RPL12: variants seen among roughly 807,000 people sequenced by gnomAD.
RPL12 encodes large ribosomal subunit protein uL11.
A neutral mutation model predicts 24.5 loss-of-function variants in RPL12; 10 were observed. The ratio of observed to expected loss-of-function variants is 0.41; its 90% CI spans 0.25 to 0.69. The LOEUF (loss-of-function observed/expected upper bound fraction) is 0.69, where lower values mean the gene tolerates loss of function less well. RPL12 is among the 30% of genes least tolerant of loss of function. RPL12 has a pLI of 0.33. For synonymous variants in RPL12, 74 were observed against 76.1 expected (o/e 0.97, Z 0.14); for missense variants, 137 against 205.3 (o/e 0.67, Z 2.03).
chr9:127,451,061 C>T, intron 1 of RPL12: 1 of 674,050 alleles, frequency 1.5e-6, no homozygotes, highest in Non-Finnish European at 2.5e-6. Flanking sequence ...CTAGGGCGTG[C>T]GGGCTCCCAA....
chr9:127,450,912 G>C, intron 1 of RPL12, 108 bp from the exon 2 acceptor site: 1 of 882,196 alleles, frequency 1.1e-6, no homozygotes, highest in South Asian at 1.6e-5. Flanking sequence ...TCTCGAAACA[G>C]CACAGAGCGC....
intron 4 of RPL12, 100 bp from the exon 5 acceptor site, chr9:127,448,523 CAG>C (rs756551267): frequency 2.9e-5 from 24 of 838,586 alleles, no homozygotes; most frequent in African/African-American, 8.3e-5. Flanking sequence ...GCTTTCGGCA[CAG>C]AGTCATCCAC....
At position 127,449,273 on chromosome 9, in the gene RPL12, C is replaced by A. The variant is rs764866170; in HGVS notation, c.292+8G>T. On this transcript the variant is annotated splice_region_variant and intron_variant, in intron 4 of 6. Coordinates refer to ENST00000361436, the MANE Select transcript of RPL12 (RefSeq NM_000976.4). ...TACCAAAACCAAACTAGGGAAAAGA[C>A]AACTTACTGTTTTTCTGTTTCTTTC... The A allele has an allele frequency of 3.0e-5, 49 of 1,610,962 alleles. No homozygotes were observed. Among genetic ancestry groups the A allele is most frequent in the Non-Finnish European group, 4.0e-5 (47 of 1,178,906 alleles).
At chr9:127,449,185 G>T in intron 4 of RPL12, 96 bp downstream of exon 4, 1 of 1,004,100 alleles carries the variant, frequency 1.0e-6, no homozygotes, top group Non-Finnish European at 1.5e-6. Context: ...CAATACCCAT[G>T]TCAACCCCAG....
rs758900538 is a variant in RPL12 at position 127,449,271 on chromosome 9, G to C, written c.292+10C>G. 1.2e-6 allele frequency: 2 copies of C among 1,610,572 alleles called. No homozygotes were observed. Among genetic ancestry groups the C allele is most frequent in the Non-Finnish European group, 1.7e-6 (2 of 1,178,592 alleles). ...ATTACCAAAACCAAACTAGGGAAAA[G>C]ACAACTTACTGTTTTTCTGTTTCTT... On this transcript the variant is annotated intron_variant, in intron 4 of 6. Transcript: ENST00000361436.
At position 127,451,358 on chromosome 9, in the gene RPL12, G is replaced by A. The variant is rs143516503; in HGVS notation, c.-41C>T. 26 of 1,610,452 alleles carry A rather than the reference G, an allele frequency of 1.6e-5. No homozygotes were observed. Among genetic ancestry groups the A allele is most frequent in the Admixed American group, 8.3e-5 (5 of 59,902 alleles). On this transcript the variant is annotated 5_prime_UTR_variant, in exon 1 of 7. Transcript: ENST00000361436. ...TGTCGGATGAACCCGGATTCGGGAC[G>A]ACCGAAGGAAGTTGCACCTTGGCCT...
intron 1 of RPL12, chr9:127,451,073 C>T: frequency 1.4e-6 from 1 of 709,582 alleles, no homozygotes; most frequent in Non-Finnish European, 2.3e-6. Flanking sequence ...GGCTCCCAAG[C>T]CGCCACAGGT....
Position 127,447,694 on chromosome 9 carries a change from C to T in RPL12, c.*27G>A. On this transcript the variant is annotated 3_prime_UTR_variant, in exon 7 of 7. Transcript: ENST00000361436. ...GAAAATCCACCAGTTGTCAAATGAT[C>T]CTTTATTGAAATGTTTTCCTTTGTG... 1 of 1,613,162 alleles carries T rather than the reference C, an allele frequency of 6.2e-7. No individual in the cohort carries two copies. The highest frequency in any genetic ancestry group is 8.5e-7 in the Non-Finnish European group (1 of 1,179,700).
At chr9:127,447,768 A>T (rs761168900) in intron 6 of RPL12, 42 bp from the exon 7 acceptor site, 16 of 1,613,456 alleles carry the variant, frequency 9.9e-6, no homozygotes, top group Non-Finnish European at 1.4e-5. Context: ...GTTTAAAAGG[A>T]TTATCCCACC....
Position 127,451,350 on chromosome 9 carries a change from TTC to T in RPL12, c.-35_-34del. The T allele has an allele frequency of 6.2e-7, 1 of 1,611,178 alleles. No individual in the cohort carries two copies. Among genetic ancestry groups the T allele is most frequent in the Non-Finnish European group, 8.5e-7 (1 of 1,179,790 alleles). On this transcript the variant is annotated 5_prime_UTR_variant, in exon 1 of 7. Coordinates refer to ENST00000361436, the MANE Select transcript of RPL12 (RefSeq NM_000976.4). Reference sequence around the variant, plus strand: ...GCGGCTGGTGTCGGATGAACCCGGATTCGGGACGACCGAAGGAAGTTGCACCT... The same window carrying T: ...GCGGCTGGTGTCGGATGAACCCGGATGGGACGACCGAAGGAAGTTGCACCT...
intron 1 of RPL12, 53 bp downstream of exon 1, chr9:127,451,228 C>T (rs1490570732): frequency 1.4e-4 from 216 of 1,598,228 alleles, no homozygotes; most frequent in Non-Finnish European, 1.8e-4. Context: ...GCACGCGCGG[C>T]AGGGCCGAGG....
chr9:127,450,588 CCTAGTACTTGTTCAGTGG>C (rs1273455743), intron 2 of RPL12, 125 bp downstream of exon 2: 49 of 601,178 alleles, frequency 8.2e-5, no homozygotes, highest in Non-Finnish European at 1.3e-4. Flanking sequence ...TCCTAAGGTA[CCTAGTACTTGTTCAGTGG>C]CTCAGGCCTA....
Position 127,447,961 on chromosome 9 carries a change from G to A in RPL12, c.408C>T (p.Ala136=). ...CATCAACATTACAGCCCACTGACTG[G>A]GCAGTCCCCAGGATCTCTTTAATGG... The part of the protein sequence containing the change: ...SGTIKEILGT[A]QSVGCNVDGR... Residue 136 remains alanine, a synonymous_variant, in exon 6 of 7, where the codon GCC becomes GCT. Coordinates refer to ENST00000361436, the MANE Select transcript of RPL12 (RefSeq NM_000976.4). 6.2e-7 allele frequency: 1 copy of A among 1,613,220 alleles called. No individual in the cohort carries two copies. Among genetic ancestry groups the A allele is most frequent in the Non-Finnish European group, 8.5e-7 (1 of 1,179,754 alleles).
At chr9:127,449,103 G>T in intron 4 of RPL12, 178 bp downstream of exon 4, 2 of 552,858 alleles carry the variant, frequency 3.6e-6, no homozygotes, top group Non-Finnish European at 6.6e-6. Context: ...GGGATTACAG[G>T]TGTGAGCCAC....
intron 4 of RPL12, chr9:127,449,018 G>A: frequency 2.6e-6 from 1 of 382,188 alleles, no homozygotes; most frequent in South Asian, 2.4e-5. Flanking sequence ...GTGGAGATGG[G>A]GTTTCACCAT....
chr9:127,448,508 C>A, intron 4 of RPL12, 85 bp from the exon 5 acceptor site: 1 of 928,620 alleles, frequency 1.1e-6, no homozygotes, highest in South Asian at 1.3e-5. Context: ...CTAGGCTGTT[C>A]CCATGCTTTC....
chr9:127,450,934 C>T (rs1448912550), intron 1 of RPL12, 130 bp from the exon 2 acceptor site: 1 of 743,516 alleles, frequency 1.3e-6, no homozygotes, highest in East Asian at 2.8e-5. Context: ...AGGCGGGCCA[C>T]CCGCTCCTCC....
chr9:127,449,233 C>T (rs1347611526), intron 4 of RPL12, 48 bp downstream of exon 4: 2 of 1,493,470 alleles, frequency 1.3e-6, no homozygotes, highest in Non-Finnish European at 1.9e-6. Context: ...ATATATCAAA[C>T]ATCTCACAAA....
intron 2 of RPL12, 158 bp from the exon 3 acceptor site, chr9:127,449,866 G>A: frequency 3.1e-6 from 2 of 637,712 alleles, no homozygotes; most frequent in East Asian, 2.8e-5. Context: ...ATAAATTGGG[G>A]GTTGGGGTTC....
Sources: allele counts gnomAD v4.1 joint callset, GRCh38; gene constraint gnomAD v4.1.1; transcripts MANE v1.5; gene names NCBI Gene and HGNC (gene_info 2026-07-23, HGNC 2026-07-21).